Variants in DCAF6 observed in about 807,000 individuals in gnomAD.
DCAF6 encodes DDB1- and CUL4-associated factor 6.
Under a neutral mutation model 125.1 loss-of-function variants are expected in DCAF6, and 54 were observed. That is an observed-to-expected ratio of 0.43 (90% confidence interval 0.35 to 0.54). The LOEUF (loss-of-function observed/expected upper bound fraction) is 0.54. DCAF6 is among the 20% of genes least tolerant of loss of function. The pLI, the probability that DCAF6 is intolerant of heterozygous loss-of-function variation, is 0.01. For missense variants in DCAF6, 934 were observed against 1,161.7 expected, an observed-to-expected ratio of 0.80 and a Z score of 2.85; for synonymous variants, 371 against 390.4, an observed-to-expected ratio of 0.95 and a Z score of 0.58.
chr1:167,996,573 A>G (rs1681734560), intron 7 of DCAF6, among the ~76,000 whole-genome samples: 2 of 152,168 alleles, frequency 1.3e-5, no homozygotes, highest in Non-Finnish European at 2.9e-5. Context: ...AGTGATCCTT[A>G]GAAACATAAG....
At chr1:168,068,949 A>T (rs1004697427) in intron 21 of DCAF6, among the ~76,000 whole-genome samples, 4 of 152,084 alleles carry the variant, frequency 2.6e-5, no homozygotes, top group African/African-American at 9.7e-5. Flanking sequence ...AATAATTTAT[A>T]ACAAAAGAAA....
the DCAF6 span, among the ~76,000 whole-genome samples, chr1:167,872,689 G>T: frequency 4.6e-4 from 69 of 150,976 alleles, no homozygotes; most frequent in African/African-American, 1.6e-3. Flanking sequence ...ATCTGTGTTT[G>T]GTTATAGCTT....
chr1:168,041,392 C>T (rs1332391694), intron 13 of DCAF6, among the ~76,000 whole-genome samples: 2 of 151,944 alleles, frequency 1.3e-5, no homozygotes, highest in East Asian at 1.9e-4. Context: ...TTTCAGTTTA[C>T]TTACAGTGGT....
intron 17 of DCAF6, chr1:168,055,755 T>C (rs1292702155): frequency 1.7e-6 from 1 of 604,720 alleles, no homozygotes; most frequent in Non-Finnish European, 2.8e-6. Flanking sequence ...AAGGGCATTT[T>C]CTTTCATTAG....
At chr1:167,881,458 G>T in the DCAF6 span, among the ~76,000 whole-genome samples, 1 of 152,168 alleles carries the variant, frequency 6.6e-6, no homozygotes, top group Non-Finnish European at 1.5e-5. Flanking sequence ...TCTTAAAAAG[G>T]ACTGGGATCT....
intron 1 of DCAF6, among the ~76,000 whole-genome samples, chr1:167,947,870 T>G (rs1356696394): frequency 1.3e-5 from 2 of 152,216 alleles, no homozygotes; most frequent in African/African-American, 2.4e-5. Flanking sequence ...GTTTTGTAAA[T>G]GTCTGTTAAG....
intron 10 of DCAF6, among the ~76,000 whole-genome samples, chr1:168,015,344 A>AT (rs1485143316): frequency 6.6e-5 from 10 of 152,286 alleles, no homozygotes; most frequent in Non-Finnish European, 1.3e-4. Context: ...TTCTAAATGC[A>AT]TAAGTTTTTA....
At chr1:167,882,069 T>G in the DCAF6 span, among the ~76,000 whole-genome samples, 3 of 152,208 alleles carry the variant, frequency 2.0e-5, no homozygotes, top group East Asian at 3.8e-4. Context: ...AGTGAGTGGA[T>G]GTGGGGCAGT....
chr1:167,912,446 A>T, the DCAF6 span, among the ~76,000 whole-genome samples: 26 of 152,250 alleles, frequency 1.7e-4, no homozygotes, highest in East Asian at 4.8e-3. Flanking sequence ...ACATCATGGC[A>T]CCCTGCATTT....
intron 4 of DCAF6, among the ~76,000 whole-genome samples, chr1:167,977,914 A>G (rs971585018): frequency 1.3e-5 from 2 of 152,188 alleles, no homozygotes; most frequent in African/African-American, 4.8e-5. Flanking sequence ...TTTATTCTGA[A>G]TTCTAACACT....
At chr1:168,012,773 A>C (rs552295677) in intron 10 of DCAF6, among the ~76,000 whole-genome samples, 9 of 152,322 alleles carry the variant, frequency 5.9e-5, no homozygotes, top group African/African-American at 2.2e-4. Context: ...AGCAGCTTTC[A>C]AAGCAGATAA....
At chr1:168,045,440 T>C (rs1291373089) in intron 16 of DCAF6, among the ~76,000 whole-genome samples, 5 of 152,190 alleles carry the variant, frequency 3.3e-5, no homozygotes, top group Admixed American at 3.3e-4. Flanking sequence ...TAAAAAGTCT[T>C]CATTCTCCAT....
chr1:167,965,745 AGGCTGAG>A (rs1474758340), intron 2 of DCAF6, among the ~76,000 whole-genome samples: 3 of 151,802 alleles, frequency 2.0e-5, no homozygotes, highest in Non-Finnish European at 4.4e-5. Flanking sequence ...TCCTGTCGGG[AGGCTGAG>A]GCCTCCCGAG....
At chr1:167,967,830 A>G (rs1424177025) in intron 3 of DCAF6, among the ~76,000 whole-genome samples, 1 of 148,886 alleles carries the variant, frequency 6.7e-6, no homozygotes, top group Non-Finnish European at 1.5e-5. Context: ...TCCTGCGTTC[A>G]AGCGATTCTC....
intron 16 of DCAF6, among the ~76,000 whole-genome samples, chr1:168,045,438 CT>C (rs1472362832): frequency 6.6e-6 from 1 of 152,142 alleles, no homozygotes; most frequent in African/African-American, 2.4e-5. Flanking sequence ...AATAAAAAGT[CT>C]TCATTCTCCA....
the DCAF6 span, chr1:167,918,461 C>T: frequency 7.0e-6 from 5 of 713,598 alleles, no homozygotes; most frequent in Non-Finnish European, 1.1e-5. Flanking sequence ...TCTTGGTGGT[C>T]AAGTAGCTAT....
the DCAF6 span, among the ~76,000 whole-genome samples, chr1:167,895,710 G>A: frequency 2.6e-5 from 4 of 152,276 alleles, 1 homozygote; most frequent in South Asian, 4.1e-4. Context: ...TCTGAGACTC[G>A]GGTGATGTAA....
chr1:167,925,488 C>CAT, the DCAF6 span, among the ~76,000 whole-genome samples: 5 of 115,470 alleles, frequency 4.3e-5, no homozygotes, highest in African/African-American at 6.4e-5. Context: ...TATACATATA[C>CAT]ACACACATAT....
upstream of DCAF6, chr1:167,936,628 C>T (rs1671253618): frequency 5.4e-6 from 2 of 371,046 alleles, no homozygotes; most frequent in East Asian, 5.8e-5. Flanking sequence ...ATCGCCTCCG[C>T]CTCCGCCTCC....
Sources: gnomAD v4.1 joint callset for allele counts (sites outside exome capture counted in the v4.1 genomes callset) on GRCh38, gnomAD v4.1.1 for gene constraint, MANE v1.5 for transcripts, NCBI Gene and HGNC (gene_info 2026-07-23, HGNC 2026-07-21) for gene names.